The following ABTB3 variants were observed in gnomAD, a reference collection of about 807,000 sequenced individuals.
The protein encoded by ABTB3 is ankyrin repeat and BTB domain containing 3.
the ABTB3 span, among the ~76,000 whole-genome samples, chr12:107,503,965 G>A: frequency 1.3e-5 from 2 of 152,084 alleles, no homozygotes; most frequent in Non-Finnish European, 2.9e-5. Context: ...CAGGTGCTAG[G>A]AGAAAGCCTC....
chr12:107,340,672 A>G, the ABTB3 span, among the ~76,000 whole-genome samples: 4 of 152,018 alleles, frequency 2.6e-5, no homozygotes, highest in African/African-American at 9.6e-5. Context: ...TGGAGAATCG[A>G]TTAAGTGGCC....
At chr12:107,450,248 T>C in the ABTB3 span, among the ~76,000 whole-genome samples, 1 of 152,282 alleles carries the variant, frequency 6.6e-6, no homozygotes, top group African/African-American at 2.4e-5. Flanking sequence ...AAGTTCTAAC[T>C]ATGCCTCTGG....
chr12:107,538,746 T>C, the ABTB3 span, among the ~76,000 whole-genome samples: 1 of 152,140 alleles, frequency 6.6e-6, no homozygotes, highest in East Asian at 1.9e-4. Context: ...CAGACACCAA[T>C]GGGGTAGACT....
the ABTB3 span, among the ~76,000 whole-genome samples, chr12:107,612,322 A>G: frequency 0.98 from 149,309 of 152,346 alleles, 73,179 homozygotes; most frequent in East Asian, 1. Flanking sequence ...CATGCTCAGA[A>G]GCATTCAATT....
At chr12:107,536,652 C>T in the ABTB3 span, among the ~76,000 whole-genome samples, 13 of 152,168 alleles carry the variant, frequency 8.5e-5, no homozygotes, top group East Asian at 1.9e-3. Context: ...CAGTAATCAT[C>T]GAGGAAATGC....
the ABTB3 span, chr12:107,318,965 G>T: frequency 6.2e-7 from 1 of 1,613,122 alleles, no homozygotes; most frequent in Non-Finnish European, 8.5e-7. Flanking sequence ...TAAGAAGCCC[G>T]TGGTGAGAAC....
the ABTB3 span, among the ~76,000 whole-genome samples, chr12:107,383,102 A>C: frequency 6.6e-6 from 1 of 152,136 alleles, no homozygotes; most frequent in Admixed American, 6.5e-5. Context: ...GCCCACTCTG[A>C]GGATCATTCC....
At chr12:107,505,986 A>C in the ABTB3 span, among the ~76,000 whole-genome samples, 1 of 152,170 alleles carries the variant, frequency 6.6e-6, no homozygotes, top group South Asian at 2.1e-4. Context: ...ATAGTGCTGC[A>C]GTGGACATAT....
the ABTB3 span, among the ~76,000 whole-genome samples, chr12:107,597,100 G>T: frequency 6.6e-6 from 1 of 152,168 alleles, no homozygotes; most frequent in African/African-American, 2.4e-5. Flanking sequence ...GGCCATAAAT[G>T]CATCACCAGA....
At chr12:107,424,440 A>T in the ABTB3 span, among the ~76,000 whole-genome samples, 1 of 152,200 alleles carries the variant, frequency 6.6e-6, no homozygotes, top group African/African-American at 2.4e-5. Flanking sequence ...TTCAGGATCG[A>T]GAGTAGAGAG....
the ABTB3 span, among the ~76,000 whole-genome samples, chr12:107,447,862 G>C: frequency 6.6e-6 from 1 of 152,096 alleles, no homozygotes; most frequent in Admixed American, 6.5e-5. Context: ...GAAAGAACTT[G>C]AGCTTCAACC....
At chr12:107,551,404 T>A in the ABTB3 span, among the ~76,000 whole-genome samples, 4 of 152,344 alleles carry the variant, frequency 2.6e-5, no homozygotes, top group Non-Finnish European at 1.5e-5. Context: ...ACATGATCCA[T>A]TTGTAACTTG....
chr12:107,358,889 C>T, the ABTB3 span, among the ~76,000 whole-genome samples: 2 of 152,162 alleles, frequency 1.3e-5, no homozygotes, highest in Admixed American at 6.5e-5. Context: ...ACTGCTCGGC[C>T]TCCACCGTCT....
At chr12:107,323,102 G>T in the ABTB3 span, among the ~76,000 whole-genome samples, 1 of 152,152 alleles carries the variant, frequency 6.6e-6, no homozygotes, top group African/African-American at 2.4e-5. Context: ...AGAAGCTATT[G>T]CTTTTTGAGT....
chr12:107,514,875 G>A, the ABTB3 span, among the ~76,000 whole-genome samples: 3 of 152,130 alleles, frequency 2.0e-5, no homozygotes, highest in African/African-American at 7.2e-5. Flanking sequence ...AAGGGAAATT[G>A]TTGATTCTTT....
the ABTB3 span, among the ~76,000 whole-genome samples, chr12:107,527,712 T>C: frequency 6.6e-6 from 1 of 152,238 alleles, no homozygotes; most frequent in Non-Finnish European, 1.5e-5. Context: ...GTCAGCCTTC[T>C]TTCTCTTGTT....
At chr12:107,512,911 A>C in the ABTB3 span, among the ~76,000 whole-genome samples, 1 of 152,158 alleles carries the variant, frequency 6.6e-6, no homozygotes, top group Non-Finnish European at 1.5e-5. Context: ...CATTTTACAG[A>C]TAGGAAAACC....
the ABTB3 span, among the ~76,000 whole-genome samples, chr12:107,330,717 G>A: frequency 1.2e-4 from 19 of 152,308 alleles, no homozygotes; most frequent in Non-Finnish European, 2.2e-4. Flanking sequence ...ATCACTCGTG[G>A]GAAGCATAGT....
chr12:107,500,449 C>T, the ABTB3 span, among the ~76,000 whole-genome samples: 1 of 152,222 alleles, frequency 6.6e-6, no homozygotes, highest in Non-Finnish European at 1.5e-5. Context: ...TGAGCAGTCT[C>T]TCCATTAGTT....
Sources: gnomAD v4.1 joint callset for allele counts (sites outside exome capture counted in the v4.1 genomes callset) on GRCh38, gnomAD v4.1.1 for gene constraint, MANE v1.5 for transcripts, NCBI Gene and HGNC (gene_info 2026-07-23, HGNC 2026-07-21) for gene names.